FAM193A: variants seen among roughly 807,000 people sequenced by gnomAD.
The protein encoded by FAM193A is family with sequence similarity 193 member A.
FAM193A carries 22 observed loss-of-function variants against 126.5 expected under a neutral mutation model. The observed-to-expected ratio is 0.17, with a 90% confidence interval of 0.12 to 0.25. The LOEUF (loss-of-function observed/expected upper bound fraction) is 0.25. Ranked by LOEUF, FAM193A falls within the 10% of genes least tolerant of loss-of-function variation. FAM193A has a pLI of 1.00. For missense variants in FAM193A, 1,675 were observed against 1,672.8 expected (o/e 1.00, Z -0.02); for synonymous variants, 761 against 646.8 (o/e 1.18, Z -2.68).
At chr4:2,661,694 A>T (rs955063176) in intron 10 of FAM193A, among the ~76,000 whole-genome samples, 1 of 152,176 alleles carries the variant, frequency 6.6e-6, no homozygotes, top group Admixed American at 6.5e-5. Context: ...TCATTCTAGG[A>T]AGTGAGATCA....
Position 2,548,954 on chromosome 4 carries a change from G to A in FAM193A, c.255+11784G>A, listed in dbSNP as rs371880469. Among the ~76,000 whole-genome samples, 7 of 150,360 alleles carry A rather than the reference G, an allele frequency of 4.7e-5. No individual in the cohort carries two copies. The East Asian group carries it at 1.4e-3, about 29-fold the overall frequency. ...TTGTTTTTTTTGTTTGTTTGTTTTT[G>A]GTCAGACAGAGTCTCATTCTGTCGC... On this transcript the variant is annotated intron_variant, in intron 1 of 20. Transcript: ENST00000637812.
At chr4:2,675,320 T>C (rs1379118593) in intron 13 of FAM193A, among the ~76,000 whole-genome samples, 1 of 152,226 alleles carries the variant, frequency 6.6e-6, no homozygotes, top group Non-Finnish European at 1.5e-5. Flanking sequence ...ATTCTCTGCC[T>C]GCTGGATCTG....
At chr4:2,684,716 GGT>G (rs1467026756) in intron 13 of FAM193A, among the ~76,000 whole-genome samples, 1 of 152,154 alleles carries the variant, frequency 6.6e-6, no homozygotes, top group East Asian at 1.9e-4. Context: ...CTGTGGCGAT[GGT>G]GTACGGCTGT....
intron 13 of FAM193A, among the ~76,000 whole-genome samples, chr4:2,678,360 GTTTTTTT>G: frequency 8.3e-6 from 1 of 120,168 alleles, no homozygotes. Flanking sequence ...GGTTTTGGTG[GTTTTTTT>G]TTTTTTTTTT....
At chr4:2,536,473 T>A (rs544734520), upstream of FAM193A, among the ~76,000 whole-genome samples, 1 of 150,990 alleles carries the variant, frequency 6.6e-6, no homozygotes, top group South Asian at 2.1e-4. Context: ...CAGCACGGAC[T>A]TCAGTTCCCG....
Position 2,558,586 on chromosome 4 carries a change from G to A in FAM193A, c.255+21416G>A, listed in dbSNP as rs528356569. Among the ~76,000 whole-genome samples, 6 of 152,270 alleles carry A rather than the reference G, an allele frequency of 3.9e-5. No individual in the cohort carries two copies. The East Asian group carries it at 5.8e-4, about 15-fold the overall frequency. ...TGGGGGGGATGAGATCTTGTATGTTGCCTAGACTGGTCTCAAACTGTTGGC... is the reference window on the plus strand; with the variant it reads ...TGGGGGGGATGAGATCTTGTATGTTACCTAGACTGGTCTCAAACTGTTGGC... On this transcript the variant is annotated intron_variant, in intron 1 of 20. Transcript: ENST00000637812.
At chr4:2,703,659 G>A (rs1161719741) in intron 19 of FAM193A, among the ~76,000 whole-genome samples, 1 of 152,082 alleles carries the variant, frequency 6.6e-6, no homozygotes, top group Non-Finnish European at 1.5e-5. Context: ...GAAGGGAGAG[G>A]GCTGGGTCAA....
In FAM193A at chr4:2,695,114, C is replaced by A; in HGVS notation, c.3261C>A (p.Phe1087Leu). The A allele has an allele frequency of 6.2e-7, 1 of 1,600,620 alleles. No individual in the cohort carries two copies. The highest frequency in any genetic ancestry group is 1.3e-5 in the African/African-American group (1 of 74,642). ...GKYCDCCYCE[F>L]FGHGGPPAAP... Reference sequence around the variant, plus strand: ...ACTGCGACTGCTGCTACTGCGAATTCTTTGGGCACGGCGGGGTGAGTGCAT... The same window carrying A: ...ACTGCGACTGCTGCTACTGCGAATTATTTGGGCACGGCGGGGTGAGTGCAT... Residue 1087 changes from phenylalanine to leucine, a missense_variant, in exon 17 of 21, where the codon TTC becomes TTA. Physicochemically the swap from Phe to Leu is conservative, Grantham distance 22. Transcript: ENST00000637812.
At chr4:2,592,219 G>A (rs1442786627) in intron 1 of FAM193A, among the ~76,000 whole-genome samples, 1 of 152,000 alleles carries the variant, frequency 6.6e-6, no homozygotes, top group African/African-American at 2.4e-5. Context: ...AGCTTGAGTA[G>A]CTGGGATTAC....
intron 4 of FAM193A, among the ~76,000 whole-genome samples, chr4:2,628,650 C>T (rs1743216051): frequency 6.6e-6 from 1 of 152,038 alleles, no homozygotes; most frequent in African/African-American, 2.4e-5. Context: ...CACAAAAAAA[C>T]AACAAAGTTA....
intron 20 of FAM193A, among the ~76,000 whole-genome samples, chr4:2,719,721 G>A (rs1719904917): frequency 6.7e-6 from 1 of 149,314 alleles, no homozygotes; most frequent in East Asian, 2.0e-4. Flanking sequence ...CTCCAGCCTG[G>A]GCAACAGAGA....
chr4:2,688,208 A>G (rs1194492623), intron 13 of FAM193A, among the ~76,000 whole-genome samples: 6 of 152,252 alleles, frequency 3.9e-5, no homozygotes, highest in Non-Finnish European at 8.8e-5. Flanking sequence ...CCTAGAGCGC[A>G]TATAATTTGG....
At chr4:2,630,110 C>T (rs376682300) in intron 4 of FAM193A, among the ~76,000 whole-genome samples, 24 of 146,676 alleles carry the variant, frequency 1.6e-4, no homozygotes, top group Admixed American at 9.6e-4. Context: ...CCAGCCTGGG[C>T]GACAGAGTGA....
At chr4:2,662,209 T>A (rs1239836371) in intron 10 of FAM193A, among the ~76,000 whole-genome samples, 1 of 152,116 alleles carries the variant, frequency 6.6e-6, no homozygotes, top group Non-Finnish European at 1.5e-5. Context: ...AAAATAAAAT[T>A]AATTTCAGTA....
chr4:2,639,826 A>G lies in FAM193A; in HGVS notation c.1130A>G (p.Gln377Arg). 1 of 1,614,166 alleles carries G rather than the reference A, an allele frequency of 6.2e-7. No homozygotes were observed. Residue 377 changes from glutamine to arginine, a missense_variant, in exon 6 of 21, where the codon CAG becomes CGG. This residue lies in a region of FAM193A where 1,186 missense variants were observed against 1,109.2 expected (regional missense o/e 1.07). Transcript: ENST00000637812. The part of the protein sequence containing the change: ...ENLVFSEPLL[Q>R]SNLPALVSQI... ...CTGGTCTTTTCGGAGCCACTTCTTC[A>G]GAGCAACTTGCCCGCACTGGTGTCA...
At chr4:2,626,636 T>G in intron 4 of FAM193A, 59 bp downstream of exon 4, 1 of 660,066 alleles carries the variant, frequency 1.5e-6, no homozygotes, top group Non-Finnish European at 2.8e-6. Flanking sequence ...CCTGCTGCAC[T>G]TGGAGCCACT....
chr4:2,723,394 T>A (rs1365011493), intron 20 of FAM193A, among the ~76,000 whole-genome samples: 1 of 151,888 alleles, frequency 6.6e-6, no homozygotes, highest in African/African-American at 2.4e-5. Context: ...GCCAAAGATG[T>A]TGAAACCCCC....
chr4:2,718,426 TAA>T (rs34035153), intron 20 of FAM193A, among the ~76,000 whole-genome samples: 36 of 148,416 alleles, frequency 2.4e-4, no homozygotes, highest in African/African-American at 3.7e-4. Flanking sequence ...TGTCAGTAAT[TAA>T]AAAAAAAAAA....
At chr4:2,693,046 G>C (rs231708) in intron 15 of FAM193A, among the ~76,000 whole-genome samples, 89,652 of 150,164 alleles carry the variant, frequency 0.6, 29,241 homozygotes, top group South Asian at 0.77. Flanking sequence ...CTTAGAAAAA[G>C]GTGATTTTTT....
Sources: gnomAD v4.1 joint callset for allele counts (sites outside exome capture counted in the v4.1 genomes callset) on GRCh38, gnomAD v4.1.1 for gene constraint, gnomAD v4.1.1 regional missense constraint, MANE v1.5 for transcripts, NCBI Gene and HGNC (gene_info 2026-07-23, HGNC 2026-07-21) for gene names.